The following FDX1 variants were observed in gnomAD, a reference collection of about 807,000 sequenced individuals.
FDX1 encodes the protein adrenodoxin, mitochondrial.
FDX1 carries 9 observed loss-of-function variants against 14.9 expected under a neutral mutation model. That is an observed-to-expected ratio of 0.60 (90% confidence interval 0.36 to 1.05). The LOEUF (loss-of-function observed/expected upper bound fraction) is 1.05. Among genes scored for constraint, FDX1 ranks in the 50% least tolerant of loss-of-function variants. FDX1 has a pLI of 0.01. For synonymous variants in FDX1, 92 were observed against 99.4 expected, an observed-to-expected ratio of 0.93 and a Z score of 0.44; for missense variants, 204 against 237.2, an observed-to-expected ratio of 0.86 and a Z score of 0.92.
chr11:110,431,320 G>A (rs1280499814), intron 1 of FDX1, among the ~76,000 whole-genome samples: 1 of 152,194 alleles, frequency 6.6e-6, no homozygotes, highest in Admixed American at 6.5e-5. Context: ...TTTATATAAT[G>A]CAGATCTCTC....
intron 3 of FDX1, among the ~76,000 whole-genome samples, chr11:110,457,982 G>C (rs1946533106): frequency 6.6e-6 from 1 of 152,156 alleles, no homozygotes; most frequent in Admixed American, 6.5e-5. Flanking sequence ...CACCAAAGCA[G>C]AGTGGATTGT....
At chr11:110,440,963 G>A (rs1464559151) in intron 2 of FDX1, among the ~76,000 whole-genome samples, 2 of 152,170 alleles carry the variant, frequency 1.3e-5, no homozygotes, top group Admixed American at 1.3e-4. Flanking sequence ...GACCCAGTGG[G>A]AGGTAATTGA....
intron 2 of FDX1, among the ~76,000 whole-genome samples, chr11:110,450,338 A>C (rs2134687731): frequency 6.6e-6 from 1 of 152,072 alleles, no homozygotes; most frequent in South Asian, 2.1e-4. Flanking sequence ...TTAGATTCTC[A>C]TAAGGAGGGT....
chr11:110,458,147 G>C (rs1192376667), intron 3 of FDX1, among the ~76,000 whole-genome samples: 1 of 152,110 alleles, frequency 6.6e-6, no homozygotes, highest in Non-Finnish European at 1.5e-5. Flanking sequence ...ATAGCTAACT[G>C]CTTGCTCTTT....
intron 2 of FDX1, among the ~76,000 whole-genome samples, chr11:110,451,548 A>G (rs1334025307): frequency 6.6e-6 from 1 of 152,176 alleles, no homozygotes; most frequent in Non-Finnish European, 1.5e-5. Flanking sequence ...AAGATTTAGA[A>G]CTGGAAATAC....
chr11:110,454,471 T>C (rs1479381087), intron 2 of FDX1, among the ~76,000 whole-genome samples: 1 of 152,248 alleles, frequency 6.6e-6, no homozygotes, highest in Non-Finnish European at 1.5e-5. Flanking sequence ...CATTATTGTA[T>C]GGCGGTACAA....
chr11:110,444,742 ATACACGTATAT>A (rs1308792756), intron 2 of FDX1, among the ~76,000 whole-genome samples: 1 of 51,980 alleles, frequency 1.9e-5, no homozygotes, highest in African/African-American at 9.2e-5. Flanking sequence ...ATATATATAT[ATACACGTATAT>A]ATATATATAT....
chr11:110,436,183 G>T (rs1946367793), intron 2 of FDX1, among the ~76,000 whole-genome samples: 1 of 152,112 alleles, frequency 6.6e-6, no homozygotes, highest in African/African-American at 2.4e-5. Flanking sequence ...ATCTGCTGTG[G>T]CCTCATTACC....
chr11:110,458,475 A>G (rs1279177445), intron 3 of FDX1, among the ~76,000 whole-genome samples: 2 of 152,238 alleles, frequency 1.3e-5, no homozygotes, highest in African/African-American at 4.8e-5. Flanking sequence ...GCTCAAAGCT[A>G]GTAACCACAT....
At chr11:110,457,076 A>G in intron 3 of FDX1, 29 bp downstream of exon 3, 1 of 1,592,262 alleles carries the variant, frequency 6.3e-7, no homozygotes, top group Non-Finnish European at 8.6e-7. Flanking sequence ...TTCAATTGTA[A>G]TAATAATCTG....
At chr11:110,434,617 G>A (rs912259551) in intron 1 of FDX1, among the ~76,000 whole-genome samples, 6 of 151,802 alleles carry the variant, frequency 4.0e-5, no homozygotes, top group Non-Finnish European at 8.8e-5. Context: ...ACAGGCGTGA[G>A]TCACCATGCT....
intron 2 of FDX1, among the ~76,000 whole-genome samples, chr11:110,437,213 T>C (rs898985068): frequency 2.6e-5 from 4 of 152,150 alleles, no homozygotes; most frequent in Admixed American, 2.6e-4. Context: ...AGCCTGGTCT[T>C]GAACTCCTGG....
intron 1 of FDX1, among the ~76,000 whole-genome samples, chr11:110,433,739 A>G (rs1444294602): frequency 2.5e-5 from 1 of 40,796 alleles, no homozygotes; most frequent in East Asian, 1.4e-3. Flanking sequence ...ATTCTGGTAC[A>G]CACACACACA....
intron 2 of FDX1, among the ~76,000 whole-genome samples, chr11:110,449,327 A>G (rs1475695952): frequency 6.6e-6 from 1 of 152,206 alleles, no homozygotes; most frequent in Non-Finnish European, 1.5e-5. Context: ...CCAGGGGCTA[A>G]TATCAGTGTT....
In FDX1 at chr11:110,430,249, G is replaced by T; in HGVS notation, c.129G>T (p.Pro43=). The change falls in exon 1 of 4, where the codon CCG becomes CCT. Residue 43 remains proline, a synonymous_variant. Transcript: ENST00000260270. ...GSSGLLRNRG[P]GGSAEASRSL... is the part of the protein sequence containing the mutation. ...GCGGCCTGCTGAGGAACCGGGGGCC[G>T]GGCGGGAGCGCGGAGGCGAGCCGGT... 1 of 1,205,452 alleles carries T rather than the reference G, an allele frequency of 8.3e-7. No homozygotes were observed. Among genetic ancestry groups the T allele is most frequent in the Non-Finnish European group, 1.0e-6 (1 of 970,990 alleles). The allele number at this position is 1,205,452 out of a possible 1,614,324, so 74.7% of individuals were successfully genotyped here. A position where few individuals can be genotyped will look rare whatever the true frequency, so the allele number is the denominator to read the frequency against.
chr11:110,442,230 G>GC (rs775292251), intron 2 of FDX1, among the ~76,000 whole-genome samples: 2 of 152,218 alleles, frequency 1.3e-5, no homozygotes, highest in East Asian at 3.8e-4. Flanking sequence ...TGGGGTTGGA[G>GC]CCCCCACACA....
intron 2 of FDX1, among the ~76,000 whole-genome samples, chr11:110,453,006 T>C (rs1389544576): frequency 6.6e-6 from 1 of 152,134 alleles, no homozygotes; most frequent in Non-Finnish European, 1.5e-5. Flanking sequence ...GTACCCTCAG[T>C]GTGGTGGTGG....
In FDX1 at chr11:110,438,747, G is replaced by A. The variant is rs554223032; in HGVS notation, c.310+2789G>A. On this transcript the variant is annotated intron_variant, in intron 2 of 3. Transcript: ENST00000260270. ...CTCCCAAAGTGCTGGGATTACAGGC[G>A]TGAGCCACCATGCCTGACTTCTGCC... Among the ~76,000 whole-genome samples, 393 of 152,164 alleles carry A rather than the reference G, an allele frequency of 2.6e-3. 3 individuals are homozygous for A. The highest frequency in any genetic ancestry group is 8.1e-3 in the African/African-American group (338 of 41,508).
At chr11:110,459,667 G>A (rs1387977373) in intron 3 of FDX1, among the ~76,000 whole-genome samples, 1 of 152,184 alleles carries the variant, frequency 6.6e-6, no homozygotes, top group African/African-American at 2.4e-5. Context: ...AGAGTAACTG[G>A]AGAAAATACC....
Sources: allele counts gnomAD v4.1 joint callset (sites outside exome capture counted in the v4.1 genomes callset), GRCh38; gene constraint gnomAD v4.1.1; transcripts MANE v1.5; gene names NCBI Gene and HGNC (gene_info 2026-07-23, HGNC 2026-07-21).